The following ADAMTSL3 variants were observed in gnomAD, a reference collection of about 807,000 sequenced individuals.
ADAMTSL3 encodes ADAMTS like 3.
Under a neutral mutation model 201.7 loss-of-function variants are expected in ADAMTSL3, and 128 were observed. The ratio of observed to expected loss-of-function variants is 0.63; its 90% CI spans 0.55 to 0.73. ADAMTSL3 has a LOEUF of 0.73. Ranked by LOEUF, ADAMTSL3 falls within the 30% of genes least tolerant of loss-of-function variation. The pLI is 0.00. For missense variants in ADAMTSL3, 1,990 were observed against 2,119.6 expected (o/e 0.94, Z 1.20); for synonymous variants, 738 against 748.4 (o/e 0.99, Z 0.23).
intron 23 of ADAMTSL3, among the ~76,000 whole-genome samples, chr15:84,002,936 C>CTTTTTTT (rs368176543): frequency 3.6e-3 from 355 of 99,844 alleles, no homozygotes; most frequent in Middle Eastern, 8.6e-3. Flanking sequence ...CTTTTCTTTT[C>CTTTTTTT]TTTTTTTTTT....
chr15:83,961,089 C>G (rs534365159), intron 19 of ADAMTSL3, among the ~76,000 whole-genome samples: 38 of 151,612 alleles, frequency 2.5e-4, no homozygotes, highest in Non-Finnish European at 4.7e-4. Flanking sequence ...GACTATAAGA[C>G]AACAGAAGGA....
intron 15 of ADAMTSL3, among the ~76,000 whole-genome samples, chr15:83,909,154 GT>G (rs1333922875): frequency 6.6e-6 from 1 of 152,112 alleles, no homozygotes; most frequent in Non-Finnish European, 1.5e-5. Context: ...TGATATCCTT[GT>G]TTTTAAGGAT....
At chr15:83,717,908 G>A (rs1224798494) in intron 3 of ADAMTSL3, among the ~76,000 whole-genome samples, 2 of 152,142 alleles carry the variant, frequency 1.3e-5, no homozygotes, top group Non-Finnish European at 2.9e-5. Context: ...ACTGCTGTGT[G>A]GGTGATGTGA....
At chr15:83,914,852 TGTTTGTTTG>T (rs386785893) in intron 16 of ADAMTSL3, among the ~76,000 whole-genome samples, 74 of 149,902 alleles carry the variant, frequency 4.9e-4, no homozygotes, top group African/African-American at 9.0e-4. Flanking sequence ...TGTTTGGTTT[TGTTTGTTTG>T]TTTGTTTGTT....
At chr15:83,848,862 T>C (rs2064553712) in intron 7 of ADAMTSL3, among the ~76,000 whole-genome samples, 2 of 152,206 alleles carry the variant, frequency 1.3e-5, no homozygotes, top group Admixed American at 1.3e-4. Context: ...CAACGCCTAA[T>C]TGGCACCAGG....
intron 17 of ADAMTSL3, among the ~76,000 whole-genome samples, chr15:83,938,828 A>C (rs891516830): frequency 6.6e-6 from 1 of 152,198 alleles, no homozygotes. Flanking sequence ...GTATGGGGGA[A>C]TGTCTTACCC....
At position 83,918,560 on chromosome 15, in the gene ADAMTSL3, A is replaced by T. The variant is rs572930859; in HGVS notation, c.1987+5182A>T. Among the ~76,000 whole-genome samples the T allele has an allele frequency of 7.2e-5, 11 of 152,322 alleles. No individual in the cohort carries two copies. The South Asian group carries it at 2.1e-3, about 29-fold the overall frequency. On this transcript the variant is annotated intron_variant, in intron 16 of 29. Coordinates refer to ENST00000286744, the MANE Select transcript of ADAMTSL3 (RefSeq NM_207517.3). ...GGATAATTTCCAGCAGAAAGAGCAT[A>T]TGCAAAGGCCAGCAGAAGGGTGCAT...
chr15:83,878,338 G>A (rs897200503), intron 9 of ADAMTSL3, among the ~76,000 whole-genome samples: 3 of 151,992 alleles, frequency 2.0e-5, no homozygotes, highest in African/African-American at 7.2e-5. Flanking sequence ...GTTAGTTGCC[G>A]GGCGTGGTGG....
chr15:83,816,866 C>G (rs1163898820), intron 5 of ADAMTSL3, among the ~76,000 whole-genome samples: 1 of 152,124 alleles, frequency 6.6e-6, no homozygotes, highest in East Asian at 1.9e-4. Context: ...TGTAGTGGCT[C>G]GTGCCTGTAG....
chr15:83,924,804 A>G (rs2066218160), intron 17 of ADAMTSL3, among the ~76,000 whole-genome samples: 1 of 151,950 alleles, frequency 6.6e-6, no homozygotes, highest in South Asian at 2.1e-4. Flanking sequence ...TACCCTTATT[A>G]TCTTGTGACC....
Position 83,716,351 on chromosome 15 carries a change from A to T in ADAMTSL3, c.189+11843A>T, listed in dbSNP as rs1447818814. Among the ~76,000 whole-genome samples, 4 of 151,976 alleles carry T rather than the reference A, an allele frequency of 2.6e-5. No homozygotes were observed. The East Asian group carries it at 7.8e-4, about 30-fold the overall frequency. On this transcript the variant is annotated intron_variant, in intron 3 of 29. Transcript: ENST00000286744. ...AACCCTGTCTCTACTAAAAACACAC[A>T]CACACACACACACAAATTAGCTAGG...
At chr15:83,788,868 G>T (rs1372679522) in intron 4 of ADAMTSL3, among the ~76,000 whole-genome samples, 1 of 152,024 alleles carries the variant, frequency 6.6e-6, no homozygotes, top group Non-Finnish European at 1.5e-5. Flanking sequence ...GGAGTGCAGT[G>T]GCTTGATCTT....
At chr15:83,785,494 G>A (rs2063246621) in intron 4 of ADAMTSL3, among the ~76,000 whole-genome samples, 1 of 151,976 alleles carries the variant, frequency 6.6e-6, no homozygotes, top group African/African-American at 2.4e-5. Flanking sequence ...TGGTTTTTTT[G>A]TAGATAACCT....
chr15:83,699,395 C>A (rs2061735774), intron 2 of ADAMTSL3, among the ~76,000 whole-genome samples: 1 of 152,134 alleles, frequency 6.6e-6, no homozygotes, highest in Admixed American at 6.5e-5. Context: ...TGATTCCTCC[C>A]TTTTCCTCCC....
chr15:83,735,261 A>C (rs929000414), intron 3 of ADAMTSL3, among the ~76,000 whole-genome samples: 7 of 152,164 alleles, frequency 4.6e-5, no homozygotes, highest in African/African-American at 1.7e-4. Context: ...TACTTACTAC[A>C]GGGGCACAGA....
At chr15:83,899,030 A>G (rs191280080) in intron 14 of ADAMTSL3, among the ~76,000 whole-genome samples, 46 of 152,272 alleles carry the variant, frequency 3.0e-4, no homozygotes, top group Non-Finnish European at 5.3e-4. Context: ...GTTTCCTTGA[A>G]GCACCCTAAA....
chr15:83,754,201 TC>T (rs1441489756), intron 3 of ADAMTSL3, among the ~76,000 whole-genome samples: 1 of 152,154 alleles, frequency 6.6e-6, no homozygotes, highest in Non-Finnish European at 1.5e-5. Context: ...CTCAAAATGT[TC>T]CCTGGGGGGC....
chr15:83,722,765 A>G (rs2062118580), intron 3 of ADAMTSL3, among the ~76,000 whole-genome samples: 5 of 152,160 alleles, frequency 3.3e-5, no homozygotes, highest in Non-Finnish European at 5.9e-5. Flanking sequence ...TCTTTCAAAA[A>G]TGTAAACATT....
At chr15:83,913,463 C>A in intron 16 of ADAMTSL3, 85 bp downstream of exon 16, 2 of 1,373,726 alleles carry the variant, frequency 1.5e-6, no homozygotes, top group Non-Finnish European at 2.0e-6. Flanking sequence ...GCCAAATATG[C>A]AAATTAGCAA....
Sources: gnomAD v4.1 joint callset for allele counts (sites outside exome capture counted in the v4.1 genomes callset) on GRCh38, gnomAD v4.1.1 for gene constraint, MANE v1.5 for transcripts, NCBI Gene and HGNC (gene_info 2026-07-23, HGNC 2026-07-21) for gene names.